ZCWPW2: variants seen among roughly 807,000 people sequenced by gnomAD.
ZCWPW2 encodes the protein zinc finger CW-type and PWWP domain containing 2.
Under a neutral mutation model 46.6 loss-of-function variants are expected in ZCWPW2, and 45 were observed. The observed-to-expected ratio is 0.96, with a 90% CI of 0.76 to 1.24. The LOEUF (loss-of-function observed/expected upper bound fraction) is 1.24. Ranked by LOEUF, ZCWPW2 falls within the 50% of genes most tolerant of loss-of-function variation. The pLI, the probability that ZCWPW2 is intolerant of heterozygous loss-of-function variation, is 0.00. For missense variants in ZCWPW2, 429 were observed against 403.9 expected (o/e 1.06, Z -0.53); for synonymous variants, 152 against 137.1 (o/e 1.11, Z -0.76).
At chr3:28,512,331 C>G (rs749700012) in intron 6 of ZCWPW2, among the ~76,000 whole-genome samples, 2 of 152,064 alleles carry the variant, frequency 1.3e-5, no homozygotes, top group Non-Finnish European at 2.9e-5. Context: ...GTGTGCACCA[C>G]CATGCCTGGC....
chr3:28,400,034 A>T (rs748894504), intron 2 of ZCWPW2, among the ~76,000 whole-genome samples: 1 of 152,164 alleles, frequency 6.6e-6, no homozygotes, highest in Non-Finnish European at 1.5e-5. Context: ...AAAAAAAATG[A>T]TACAAGAAGT....
chr3:28,382,263 C>A (rs1695134112), intron 1 of ZCWPW2, among the ~76,000 whole-genome samples: 1 of 152,006 alleles, frequency 6.6e-6, no homozygotes, highest in South Asian at 2.1e-4. Flanking sequence ...GGATGGGTCC[C>A]TTCTGAGAGC....
intron 2 of ZCWPW2, among the ~76,000 whole-genome samples, chr3:28,405,230 C>T (rs1248171833): frequency 6.6e-6 from 1 of 152,000 alleles, no homozygotes; most frequent in Non-Finnish European, 1.5e-5. Flanking sequence ...ATGTCTGTGT[C>T]CCCTGAAATT....
At chr3:28,374,828 T>A (rs1329132541) in intron 1 of ZCWPW2, among the ~76,000 whole-genome samples, 1 of 152,148 alleles carries the variant, frequency 6.6e-6, no homozygotes, top group African/African-American at 2.4e-5. Flanking sequence ...TGATTTTGTA[T>A]CCACAACTTT....
intron 4 of ZCWPW2, among the ~76,000 whole-genome samples, chr3:28,462,554 G>A (rs1183890212): frequency 6.6e-6 from 1 of 152,166 alleles, no homozygotes; most frequent in Non-Finnish European, 1.5e-5. Context: ...ATCCTGGTTG[G>A]ATGAGCACTG....
At chr3:28,519,211 G>T (rs1195741434) in intron 8 of ZCWPW2, among the ~76,000 whole-genome samples, 1 of 152,176 alleles carries the variant, frequency 6.6e-6, no homozygotes, top group Non-Finnish European at 1.5e-5. Flanking sequence ...ATGTGGAGTT[G>T]CTTATCAGAA....
intron 5 of ZCWPW2, among the ~76,000 whole-genome samples, chr3:28,488,768 AC>A (rs1186613720): frequency 6.6e-6 from 1 of 152,118 alleles, no homozygotes; most frequent in Non-Finnish European, 1.5e-5. Context: ...ATCCACATCT[AC>A]ATTTCCTGTT....
chr3:28,370,236 C>T (rs55962685), intron 1 of ZCWPW2, among the ~76,000 whole-genome samples: 3,989 of 152,304 alleles, frequency 0.026, 152 homozygotes, highest in African/African-American at 0.085. Flanking sequence ...AATCACCCGT[C>T]TTCTGCATCG....
intron 6 of ZCWPW2, among the ~76,000 whole-genome samples, chr3:28,499,147 C>T (rs1024538130): frequency 6.6e-6 from 1 of 152,100 alleles, no homozygotes; most frequent in African/African-American, 2.4e-5. Context: ...ATTTATAATC[C>T]TTTGGGTATA....
At chr3:28,447,666 C>T (rs1053422944) in intron 4 of ZCWPW2, 2 of 379,276 alleles carry the variant, frequency 5.3e-6, no homozygotes, top group East Asian at 9.3e-5. Flanking sequence ...AGCAATTAGG[C>T]AAGAAAAAAG....
At chr3:28,439,233 A>C (rs559699533) in intron 4 of ZCWPW2, among the ~76,000 whole-genome samples, 2 of 151,110 alleles carry the variant, frequency 1.3e-5, no homozygotes, top group East Asian at 3.9e-4. Flanking sequence ...GGCTGTCTTC[A>C]AGCTTGAGGA....
At chr3:28,495,173 A>C (rs571948685) in intron 6 of ZCWPW2, among the ~76,000 whole-genome samples, 3 of 152,148 alleles carry the variant, frequency 2.0e-5, no homozygotes, top group South Asian at 2.1e-4. Flanking sequence ...ACCTGACTTC[A>C]AACTATACTA....
intron 1 of ZCWPW2, among the ~76,000 whole-genome samples, chr3:28,371,254 C>T (rs62251141): frequency 4.6e-5 from 7 of 151,794 alleles, no homozygotes; most frequent in African/African-American, 1.7e-4. Flanking sequence ...ATTTTTCTGA[C>T]GCTTGTTAAA....
At chr3:28,429,659 C>G (rs532062812) in intron 3 of ZCWPW2, among the ~76,000 whole-genome samples, 1 of 152,246 alleles carries the variant, frequency 6.6e-6, no homozygotes, top group East Asian at 1.9e-4. Flanking sequence ...TCATGGTAGC[C>G]CTTCACTTCA....
chr3:28,360,728 G>A (rs1298207067), intron 1 of ZCWPW2, among the ~76,000 whole-genome samples: 3 of 151,638 alleles, frequency 2.0e-5, no homozygotes, highest in Non-Finnish European at 2.9e-5. Context: ...CCACTAGGAT[G>A]GCTATTATCA....
chr3:28,515,713 T>G, intron 8 of ZCWPW2, 92 bp downstream of exon 8: 1 of 1,044,684 alleles, frequency 9.6e-7, no homozygotes, highest in South Asian at 1.6e-5. Flanking sequence ...AAAAAAGATT[T>G]CCTGTGTGTG....
At chr3:28,379,226 A>G (rs1309472100) in intron 1 of ZCWPW2, among the ~76,000 whole-genome samples, 1 of 152,200 alleles carries the variant, frequency 6.6e-6, no homozygotes, top group Non-Finnish European at 1.5e-5. Context: ...ATAAGCTTTT[A>G]TGTATTTGGA....
At chr3:28,365,234 C>T (rs138257485) in intron 1 of ZCWPW2, among the ~76,000 whole-genome samples, 3,875 of 145,176 alleles carry the variant, frequency 0.027, 205 homozygotes, top group African/African-American at 0.086. Context: ...TGCTTATGTC[C>T]TGAATGGTAT....
intron 4 of ZCWPW2, among the ~76,000 whole-genome samples, chr3:28,450,205 A>G (rs563332322): frequency 6.6e-6 from 1 of 152,278 alleles, no homozygotes; most frequent in Non-Finnish European, 1.5e-5. Flanking sequence ...CTACTAGTGT[A>G]GTAGTCTAAC....
Sources: allele counts gnomAD v4.1 joint callset (sites outside exome capture counted in the v4.1 genomes callset), GRCh38; gene constraint gnomAD v4.1.1; transcripts MANE v1.5; gene names NCBI Gene and HGNC (gene_info 2026-07-23, HGNC 2026-07-21).